The following PTPRG variants were observed in gnomAD, a reference collection of about 807,000 sequenced individuals.
PTPRG encodes receptor-type tyrosine-protein phosphatase gamma.
Under a neutral mutation model 165.3 loss-of-function variants are expected in PTPRG, and 102 were observed. That is an observed-to-expected ratio of 0.62 (90% CI 0.53 to 0.73). The LOEUF is 0.73. PTPRG is among the 30% of genes least tolerant of loss of function. PTPRG has a pLI of 0.00. For missense variants in PTPRG, 1,866 were observed against 1,861.4 expected (o/e 1.00, Z -0.05); for synonymous variants, 675 against 669.5 (o/e 1.01, Z -0.13).
chr3:61,856,475 C>T lies in PTPRG; in HGVS notation c.190+107493C>T, dbSNP rs114103300. On this transcript the variant is annotated intron_variant, in intron 2 of 29. Coordinates refer to ENST00000474889, the MANE Select transcript of PTPRG (RefSeq NM_002841.4). ...CCACAGTTTGCACCATGATTTCATTCTTCTTTTCATCATTTCTGATTTGCC... is the reference window on the plus strand; with the variant it reads ...CCACAGTTTGCACCATGATTTCATTTTTCTTTTCATCATTTCTGATTTGCC... Among the ~76,000 whole-genome samples the T allele has an allele frequency of 5.0e-3, 767 of 152,270 alleles. 8 individuals carry two copies. Among genetic ancestry groups the T allele is most frequent in the African/African-American group, 0.017 (705 of 41,562 alleles).
chr3:62,188,652 TAAG>T (rs1368329659), intron 8 of PTPRG, among the ~76,000 whole-genome samples: 4 of 152,140 alleles, frequency 2.6e-5, no homozygotes, highest in Non-Finnish European at 5.9e-5. Flanking sequence ...TTTCAAAAAA[TAAG>T]AAGAATGGTT....
At chr3:61,687,468 A>G (rs1454614538) in intron 1 of PTPRG, among the ~76,000 whole-genome samples, 1 of 152,238 alleles carries the variant, frequency 6.6e-6, no homozygotes, top group Non-Finnish European at 1.5e-5. Flanking sequence ...GGGGCTGTAC[A>G]TTAAGAGACC....
At chr3:62,150,554 A>C (rs1007811529) in intron 6 of PTPRG, among the ~76,000 whole-genome samples, 3 of 152,134 alleles carry the variant, frequency 2.0e-5, no homozygotes, top group Non-Finnish European at 4.4e-5. Context: ...CTAATGACTT[A>C]ATGCCCAATT....
chr3:61,882,862 A>C (rs2037924009), intron 2 of PTPRG, among the ~76,000 whole-genome samples: 1 of 152,150 alleles, frequency 6.6e-6, no homozygotes, highest in Non-Finnish European at 1.5e-5. Flanking sequence ...TCTTCTTCTA[A>C]AATCTCCTTC....
intron 14 of PTPRG, among the ~76,000 whole-genome samples, chr3:62,238,052 A>G (rs1337005235): frequency 3.3e-5 from 5 of 152,254 alleles, no homozygotes; most frequent in Admixed American, 1.3e-4. Context: ...GTCAAGCACC[A>G]GAAGCACTTC....
intron 2 of PTPRG, among the ~76,000 whole-genome samples, chr3:61,909,945 G>A (rs926113112): frequency 6.6e-6 from 1 of 152,032 alleles, no homozygotes; most frequent in Non-Finnish European, 1.5e-5. Flanking sequence ...ACTCTTCATG[G>A]CATACTGTCC....
chr3:61,938,193 A>G (rs2039525187), intron 2 of PTPRG, among the ~76,000 whole-genome samples: 1 of 138,730 alleles, frequency 7.2e-6, no homozygotes, highest in South Asian at 2.3e-4. Context: ...TTTAACATGT[A>G]TGTTTGTTTT....
chr3:62,011,119 G>T (rs2041412252), intron 4 of PTPRG, among the ~76,000 whole-genome samples: 1 of 152,182 alleles, frequency 6.6e-6, no homozygotes, highest in South Asian at 2.1e-4. Context: ...GTGAATTCCT[G>T]GTGGCTCCAC....
chr3:61,677,996 T>G (rs1053328736), intron 1 of PTPRG, among the ~76,000 whole-genome samples: 2 of 152,118 alleles, frequency 1.3e-5, no homozygotes, highest in Non-Finnish European at 2.9e-5. Context: ...GACACCACAT[T>G]TGGTAACACA....
rs537359013 is a variant in PTPRG, at chr3:62,218,972, C to T, written c.2277C>T (p.Leu759=). 7.2e-5 allele frequency: 116 copies of T among 1,613,574 alleles called. No individual in the cohort carries two copies. The highest frequency in any genetic ancestry group is 1.6e-4 in the Middle Eastern group (1 of 6,082). The part of the protein sequence containing the change: ...FVCLILLIAV[L]VYWRGCNKIK... The stretch of plus-strand genomic sequence containing the variant: ...GCCTCATCCTTCTCATTGCTGTGCT[C>T]GTTTACTGGAGGTAAGCCAGGCAGC... Residue 759 remains leucine, a synonymous_variant, in exon 13 of 30, where the codon CTC becomes CTT. Transcript: ENST00000474889.
chr3:61,629,361 G>C (rs999558816), intron 1 of PTPRG, among the ~76,000 whole-genome samples: 1 of 151,998 alleles, frequency 6.6e-6, no homozygotes, highest in South Asian at 2.1e-4. Flanking sequence ...CACCATGTTG[G>C]CCAGGCTGGT....
rs777646455 is a variant in PTPRG at position 62,210,312 on chromosome 3, A to T, written c.2155+6362A>T. ...TTTCTCTGCAGCAGTGGTTTGGGTA[A>T]CGTCAGGGCTCCAGAAAAATAAAAG... On this transcript the variant is annotated intron_variant, in intron 12 of 29. Coordinates refer to ENST00000474889, the MANE Select transcript of PTPRG (RefSeq NM_002841.4). This position sits in a 1 kb window ranked among gnomAD's most constrained non-coding sequence, Gnocchi z 4.1. Among the ~76,000 whole-genome samples the T allele has an allele frequency of 2.6e-5, 4 of 152,222 alleles. No individual in the cohort carries two copies. The highest frequency in any genetic ancestry group is 2.1e-4 in the South Asian group (1 of 4,834).
chr3:62,086,419 A>C (rs1227446099), intron 5 of PTPRG, among the ~76,000 whole-genome samples: 1 of 152,206 alleles, frequency 6.6e-6, no homozygotes, highest in Non-Finnish European at 1.5e-5. Flanking sequence ...AGAAAAAAAC[A>C]AGAACTATTT....
rs1346760589 is a variant in PTPRG at position 62,245,602 on chromosome 3, CT to C, written c.2467+1705del. Among the ~76,000 whole-genome samples, 1 of 152,156 alleles carries C rather than the reference CT, an allele frequency of 6.6e-6. No homozygotes were observed. Among genetic ancestry groups the C allele is most frequent in the Non-Finnish European group, 1.5e-5 (1 of 68,022 alleles). ...ATCTTTGTTCAGTGCCTTCACCTCTCTGAACCTTAGTTTCCAGAATCTGTAA... is the reference window on the plus strand; with the variant it reads ...ATCTTTGTTCAGTGCCTTCACCTCTCGAACCTTAGTTTCCAGAATCTGTAA... On this transcript the variant is annotated intron_variant, in intron 15 of 29. Coordinates refer to ENST00000474889, the MANE Select transcript of PTPRG (RefSeq NM_002841.4). The surrounding 1 kb of genome is among the most constrained non-coding windows in gnomAD (Gnocchi z 4.2).
intron 4 of PTPRG, among the ~76,000 whole-genome samples, chr3:62,047,298 C>T (rs575920907): frequency 4.6e-4 from 62 of 134,678 alleles, no homozygotes; most frequent in African/African-American, 6.0e-4. Flanking sequence ...CTTGCTCTAT[C>T]GCCCAGGCTG....
intron 4 of PTPRG, among the ~76,000 whole-genome samples, chr3:62,010,081 C>G (rs1032697608): frequency 6.6e-6 from 1 of 152,054 alleles, no homozygotes; most frequent in Admixed American, 6.6e-5. Context: ...CCGTGCCCAG[C>G]TAATGTTTTT....
At chr3:61,717,302 G>A (rs1437161212) in intron 1 of PTPRG, among the ~76,000 whole-genome samples, 1 of 152,086 alleles carries the variant, frequency 6.6e-6, no homozygotes, top group Non-Finnish European at 1.5e-5. Flanking sequence ...CTAACCCTTT[G>A]AGGTACATAT....
chr3:61,939,966 A>G (rs2039578186), intron 2 of PTPRG, among the ~76,000 whole-genome samples: 1 of 36,980 alleles, frequency 2.7e-5, no homozygotes, highest in African/African-American at 1.0e-4. Context: ...TTTTTTTTTG[A>G]GACAGTCTTG....
intron 2 of PTPRG, among the ~76,000 whole-genome samples, chr3:61,756,867 A>G (rs1362745831): frequency 6.6e-6 from 1 of 152,176 alleles, no homozygotes; most frequent in Non-Finnish European, 1.5e-5. Flanking sequence ...TTTGGGTTTT[A>G]AAGTGACTCT....
Sources: allele counts gnomAD v4.1 joint callset (sites outside exome capture counted in the v4.1 genomes callset), GRCh38; gene constraint gnomAD v4.1.1; non-coding constraint Gnocchi (gnomAD v3.1); transcripts MANE v1.5; gene names NCBI Gene and HGNC (gene_info 2026-07-23, HGNC 2026-07-21).